GRK4: variants seen among roughly 807,000 people sequenced by gnomAD.
GRK4 encodes G protein-coupled receptor kinase 2-like.
Under a neutral mutation model 77.9 loss-of-function variants are expected in GRK4, and 73 were observed. The observed-to-expected ratio is 0.94, with a 90% CI of 0.78 to 1.14. GRK4 has a LOEUF of 1.14. Among genes scored for constraint, GRK4 ranks in the 50% most tolerant of loss-of-function variants. GRK4 has a pLI of 0.00. For synonymous variants in GRK4, 257 were observed against 254.4 expected (o/e 1.01, Z -0.10); for missense variants, 729 against 700.2 (o/e 1.04, Z -0.46).
At chr4:3,000,319 A>G (rs1432214402) in intron 4 of GRK4, among the ~76,000 whole-genome samples, 1 of 152,204 alleles carries the variant, frequency 6.6e-6, no homozygotes, top group African/African-American at 2.4e-5. Context: ...ATTTTCTATG[A>G]TATAGAAAAT....
chr4:2,976,510 T>A (rs543834078), intron 1 of GRK4, among the ~76,000 whole-genome samples: 1 of 152,126 alleles, frequency 6.6e-6, no homozygotes, highest in Non-Finnish European at 1.5e-5. Flanking sequence ...AGATTCCAAT[T>A]TGAAATTTGA....
rs148166461 is a variant in GRK4 at position 3,038,428 on chromosome 4, C to T, written c.1598C>T (p.Ala533Val). 10 of 1,614,020 alleles carry T rather than the reference C, an allele frequency of 6.2e-6. No individual in the cohort carries two copies. In the East Asian group the frequency reaches 6.7e-5, roughly 11 times the overall value. ...KDINKSESEE[A>V]LPLDLDKNIH... ...ATCAACAAAAGTGAAAGTGAGGAAG[C>T]TTTGCCATTAGATCTAGACAAGAAC... The change falls in exon 15 of 16, where the codon GCT becomes GTT. Residue 533 changes from alanine to valine, a missense_variant. Physicochemically the swap from Ala to Val is moderately conservative, Grantham distance 64. Transcript: ENST00000398052.
chr4:2,998,213 C>G (rs577604101), intron 4 of GRK4, among the ~76,000 whole-genome samples: 3 of 152,174 alleles, frequency 2.0e-5, no homozygotes, highest in African/African-American at 7.2e-5. Context: ...CAAAAATTAG[C>G]TGGGCATGGT....
chr4:2,972,435 G>A (rs903164643), intron 1 of GRK4, among the ~76,000 whole-genome samples: 1 of 152,206 alleles, frequency 6.6e-6, no homozygotes, highest in Non-Finnish European at 1.5e-5. Flanking sequence ...AGACTGCTGT[G>A]CTGTGCCAGT....
At chr4:2,985,155 G>A (rs1002570195) in intron 2 of GRK4, among the ~76,000 whole-genome samples, 2 of 151,336 alleles carry the variant, frequency 1.3e-5, no homozygotes, top group East Asian at 4.0e-4. Context: ...GCTCACGCCT[G>A]TAATCCCGGC....
chr4:2,991,510 A>AGTTT (rs1414500311), intron 3 of GRK4, among the ~76,000 whole-genome samples: 5 of 151,930 alleles, frequency 3.3e-5, no homozygotes, highest in Admixed American at 1.3e-4. Flanking sequence ...CCAGCACTGA[A>AGTTT]GTTTGTTTGT....
chr4:2,999,158 G>A (rs561311438), intron 4 of GRK4, among the ~76,000 whole-genome samples: 1 of 152,276 alleles, frequency 6.6e-6, no homozygotes, highest in African/African-American at 2.4e-5. Context: ...AGTTCTGAAA[G>A]CCGGAAGTCC....
chr4:3,009,986 T>A (rs946531664), intron 7 of GRK4, among the ~76,000 whole-genome samples: 1 of 152,236 alleles, frequency 6.6e-6, no homozygotes, highest in African/African-American at 2.4e-5. Flanking sequence ...TTTGCCCAGA[T>A]GGAAAGACGA....
At chr4:2,987,998 C>T (rs1320061696) in intron 2 of GRK4, among the ~76,000 whole-genome samples, 1 of 147,770 alleles carries the variant, frequency 6.8e-6, no homozygotes, top group Non-Finnish European at 1.5e-5. Flanking sequence ...ATTGCTTGAA[C>T]CCGGGAGGTA....
At chr4:3,034,985 C>T (rs1451976238) in intron 12 of GRK4, among the ~76,000 whole-genome samples, 5 of 152,040 alleles carry the variant, frequency 3.3e-5, no homozygotes, top group African/African-American at 9.7e-5. Flanking sequence ...CAGCTGGGCG[C>T]GGTGGCTCAC....
At chr4:3,033,184 A>T (rs1376285157) in intron 12 of GRK4, among the ~76,000 whole-genome samples, 1 of 152,160 alleles carries the variant, frequency 6.6e-6, no homozygotes, top group Non-Finnish European at 1.5e-5. Flanking sequence ...GGAGCTAGAG[A>T]CCAGCCTGGG....
At chr4:2,978,463 C>T (rs1721848783) in intron 1 of GRK4, among the ~76,000 whole-genome samples, 1 of 152,036 alleles carries the variant, frequency 6.6e-6, no homozygotes, top group African/African-American at 2.4e-5. Flanking sequence ...CACAGGTGCA[C>T]CCGAAAAGGG....
chr4:3,030,666 C>G (rs1288424575), intron 12 of GRK4, among the ~76,000 whole-genome samples: 1 of 151,354 alleles, frequency 6.6e-6, no homozygotes, highest in Non-Finnish European at 1.5e-5. Flanking sequence ...GGTCGGCCTG[C>G]TGGGCAGAGC....
chr4:3,038,511 G>C lies in GRK4; in HGVS notation c.1681G>C (p.Gly561Arg). 6.2e-7 allele frequency: 1 copy of C among 1,607,476 alleles called. No individual in the cohort carries two copies. Among genetic ancestry groups the C allele is most frequent in the Non-Finnish European group, 8.5e-7 (1 of 1,178,356 alleles). ...RGFFYRLFRR[G>R]GCLTMVPSEK... ...CTTCTTCTATAGACTCTTCAGAAGA[G>C]GGGTAAAAAGACTTAAAAACTAATA... Residue 561 changes from glycine (G) to arginine (R), a missense_variant and splice_region_variant, in exon 15 of 16, where the codon GGG (glycine) becomes CGG (arginine). Physicochemically the swap from Gly to Arg is moderately radical, Grantham distance 125. Transcript: ENST00000398052.
rs116366027 is a variant in GRK4 at position 2,978,799 on chromosome 4, A to G, written c.53-5714A>G. Among the ~76,000 whole-genome samples the G allele has an allele frequency of 5.5e-3, 839 of 152,276 alleles. 4 individuals carry two copies. The highest frequency in any genetic ancestry group is 0.019 in the African/African-American group (793 of 41,552). ...TTCTCTACAAAAGCTTTTTAAAAAA[A>G]TAGCCATGTGTGGCCAGGCACAGTG... On this transcript the variant is annotated intron_variant, in intron 1 of 15. Coordinates refer to ENST00000398052, the MANE Select transcript of GRK4 (RefSeq NM_182982.3).
Position 2,963,988 on chromosome 4 carries a change from C to G in GRK4, c.-83C>G, listed in dbSNP as rs1052354097. On this transcript the variant is annotated 5_prime_UTR_variant, in exon 1 of 16. Coordinates refer to ENST00000398052, the MANE Select transcript of GRK4 (RefSeq NM_182982.3). ...AGGGTGGTGCCCGGCGAGCTATGCA[C>G]GGGGGCGGCGGCGTCTCCTCCTGTT... 1.0e-5 allele frequency: 13 copies of G among 1,266,652 alleles called. No individual in the cohort carries two copies. The highest frequency in any genetic ancestry group is 1.5e-5 in the African/African-American group (1 of 68,506). 78.5% of individuals were successfully genotyped at this position (1,266,652 alleles called of 1,614,324 possible). A position where few individuals can be genotyped will look rare whatever the true frequency, so the allele number is the denominator to read the frequency against.
At chr4:3,001,973 C>G (rs922839629) in intron 4 of GRK4, among the ~76,000 whole-genome samples, 23 of 152,106 alleles carry the variant, frequency 1.5e-4, no homozygotes, top group African/African-American at 5.6e-4. Flanking sequence ...TCATGTGTTT[C>G]CTTTTTCCAG....
intron 1 of GRK4, among the ~76,000 whole-genome samples, chr4:2,964,523 A>C (rs568804549): frequency 2.0e-5 from 3 of 152,300 alleles, no homozygotes; most frequent in Admixed American, 2.0e-4. Context: ...AAGGGGGACA[A>C]AGAATAGCAG....
intron 4 of GRK4, 104 bp from the exon 5 acceptor site, chr4:3,004,127 T>TTATA (rs1730615481): frequency 1.1e-6 from 1 of 874,536 alleles, no homozygotes; most frequent in Admixed American, 2.0e-5. Context: ...GACTTTCATT[T>TTATA]TATACACTTT....
Sources: gnomAD v4.1 joint callset for allele counts (sites outside exome capture counted in the v4.1 genomes callset) on GRCh38, gnomAD v4.1.1 for gene constraint, MANE v1.5 for transcripts, NCBI Gene and HGNC (gene_info 2026-07-23, HGNC 2026-07-21) for gene names.